Variants in SMOC2 observed in about 807,000 individuals in gnomAD.
The protein encoded by SMOC2 is SPARC related modular calcium binding 2, also known as SPARC-related modular calcium-binding protein 2.
Under a neutral mutation model 61.4 loss-of-function variants are expected in SMOC2, and 39 were observed. That is an observed-to-expected ratio of 0.64 (90% CI 0.49 to 0.83). SMOC2 has a LOEUF of 0.83. SMOC2 is among the 40% of genes least tolerant of loss of function. The pLI, the probability that SMOC2 is intolerant of heterozygous loss-of-function variation, is 0.00. For synonymous variants in SMOC2, 247 were observed against 239.9 expected (o/e 1.03, Z -0.27); for missense variants, 556 against 592.9 (o/e 0.94, Z 0.65).
chr6:168,624,032 G>A (rs1181375135), intron 9 of SMOC2, among the ~76,000 whole-genome samples: 1 of 152,228 alleles, frequency 6.6e-6, no homozygotes, highest in African/African-American at 2.4e-5. Flanking sequence ...GTGGCTGCAC[G>A]GATGCACAGA....
At chr6:168,629,261 A>T (rs1299944100) in intron 9 of SMOC2, among the ~76,000 whole-genome samples, 1 of 152,214 alleles carries the variant, frequency 6.6e-6, no homozygotes, top group Non-Finnish European at 1.5e-5. Flanking sequence ...AGGGTCTCCG[A>T]CAGGTCCTCA....
In SMOC2 at chr6:168,547,156, A is replaced by G. The variant is rs1175584487; in HGVS notation, c.549A>G (p.Gln183=). The change falls in exon 6 of 13, where the codon CAA becomes CAG. Residue 183 remains glutamine (Q), a synonymous_variant. Coordinates refer to ENST00000356284, the MANE Select transcript of SMOC2 (RefSeq NM_001166412.2). Reference sequence around the variant, plus strand: ...CTCCAGCGTTGGAGACTCAGCCTCAAGGAGATGAAGAAGGTGAGCCGGGGT... The same window carrying G: ...CTCCAGCGTTGGAGACTCAGCCTCAGGGAGATGAAGAAGGTGAGCCGGGGT... The part of the protein sequence containing the change: ...AAAPALETQP[Q]GDEEDIASRY... 2 of 1,613,946 alleles carry G rather than the reference A, an allele frequency of 1.2e-6. No individual in the cohort carries two copies. The highest frequency in any genetic ancestry group is 2.7e-5 in the African/African-American group (2 of 74,884).
intron 2 of SMOC2, among the ~76,000 whole-genome samples, chr6:168,515,984 T>C (rs1470897501): frequency 2.0e-5 from 3 of 152,116 alleles, no homozygotes; most frequent in African/African-American, 7.2e-5. Flanking sequence ...ATTCCTGGAG[T>C]GGGCGCTGGC....
intron 7 of SMOC2, among the ~76,000 whole-genome samples, chr6:168,576,525 T>G (rs1285266452): frequency 1.3e-5 from 2 of 152,092 alleles, no homozygotes; most frequent in Non-Finnish European, 2.9e-5. Flanking sequence ...TGTGAGGACC[T>G]TAGGGAGCCC....
rs374094452 is a variant in SMOC2, at chr6:168,584,494, G to A, written c.638-14324G>A. ...GTTTAAATCACATTAGTGGTAAGAG[G>A]TCTCTGTTTAATCGAGTGTACACTA... On this transcript the variant is annotated intron_variant, in intron 7 of 12. Coordinates refer to ENST00000356284, the MANE Select transcript of SMOC2 (RefSeq NM_001166412.2). Among the ~76,000 whole-genome samples the A allele has an allele frequency of 6.0e-4, 91 of 152,040 alleles. 1 individual carries two copies. In the Middle Eastern group the frequency reaches 0.01, roughly 17 times the overall value.
chr6:168,607,869 T>TCCAACCCTGCAACG (rs1440562829), intron 8 of SMOC2, among the ~76,000 whole-genome samples: 36 of 56,592 alleles, frequency 6.4e-4, no homozygotes, highest in Non-Finnish European at 8.6e-4. Context: ...TGTGGGTGCT[T>TCCAACCCTGCAACG]GGCAGCTGCT....
intron 1 of SMOC2, among the ~76,000 whole-genome samples, chr6:168,497,671 C>A (rs1782624781): frequency 6.6e-6 from 1 of 152,166 alleles, no homozygotes; most frequent in African/African-American, 2.4e-5. Flanking sequence ...AGCCCGTGGT[C>A]TTGTCAGGAA....
chr6:168,471,502 G>C (rs1781966873), intron 1 of SMOC2, among the ~76,000 whole-genome samples: 2 of 152,278 alleles, frequency 1.3e-5, no homozygotes, highest in South Asian at 4.1e-4. Context: ...GTGGATACTT[G>C]GGCTAATGCT....
At chr6:168,545,616 C>G (rs1783979060) in intron 5 of SMOC2, among the ~76,000 whole-genome samples, 1 of 152,132 alleles carries the variant, frequency 6.6e-6, no homozygotes, top group African/African-American at 2.4e-5. Flanking sequence ...CCTCTGGTGC[C>G]CAGAATCAGG....
intron 4 of SMOC2, among the ~76,000 whole-genome samples, chr6:168,530,246 G>A (rs529926993): frequency 5.6e-4 from 86 of 152,240 alleles, no homozygotes; most frequent in African/African-American, 1.9e-3. Flanking sequence ...CCACTGACTG[G>A]CATGATTCCT....
intron 11 of SMOC2, among the ~76,000 whole-genome samples, 173 bp downstream of exon 11, chr6:168,653,401 A>G (rs1787248967): frequency 6.6e-6 from 1 of 152,140 alleles, no homozygotes; most frequent in Non-Finnish European, 1.5e-5. Flanking sequence ...ATAATTGGCG[A>G]CTCATCACAT....
chr6:168,640,605 C>A (rs534571951), intron 9 of SMOC2, among the ~76,000 whole-genome samples: 1 of 152,056 alleles, frequency 6.6e-6, no homozygotes, highest in Non-Finnish European at 1.5e-5. Flanking sequence ...ATTGGAGCTA[C>A]GAAATATTTA....
At position 168,598,914 on chromosome 6, in the gene SMOC2, T is replaced by G; in HGVS notation, c.734T>G (p.Leu245Arg). 1 of 1,612,934 alleles carries G rather than the reference T, an allele frequency of 6.2e-7. No individual in the cohort carries two copies. Among genetic ancestry groups the G allele is most frequent in the East Asian group, 2.2e-5 (1 of 44,856 alleles). ...ATCCCTGAGTGTGCGCACGGCGGCC[T>G]CTACAAGCCAGTGCAGTGCCACCCC... Reference protein sequence around the residue: ...VVIPECAHGGLYKPVQCHPST... With the variant: ...VVIPECAHGGRYKPVQCHPST... Residue 245 changes from leucine to arginine, a missense_variant, in exon 8 of 13, where the codon CTC (leucine) becomes CGC (arginine). Physicochemically the swap from Leu to Arg is moderately radical, Grantham distance 102. Transcript: ENST00000356284.
At chr6:168,495,810 A>G (rs761510112) in intron 1 of SMOC2, among the ~76,000 whole-genome samples, 3 of 151,774 alleles carry the variant, frequency 2.0e-5, no homozygotes, top group Non-Finnish European at 4.4e-5. Context: ...GGCTCCACCC[A>G]CCTGTGCAGT....
At chr6:168,613,994 G>T (rs866120084) in intron 9 of SMOC2, among the ~76,000 whole-genome samples, 1 of 56,372 alleles carries the variant, frequency 1.8e-5, no homozygotes. Flanking sequence ...CCTACAGCCA[G>T]CACAGGGCCT....
intron 1 of SMOC2, among the ~76,000 whole-genome samples, chr6:168,492,339 T>C (rs1782488438): frequency 6.6e-6 from 1 of 152,248 alleles, no homozygotes; most frequent in South Asian, 2.1e-4. Flanking sequence ...TACCTTTCCA[T>C]AGTTTTCAGT....
intron 2 of SMOC2, among the ~76,000 whole-genome samples, chr6:168,518,665 GGA>G (rs569494036): frequency 7.9e-4 from 117 of 147,982 alleles, no homozygotes; most frequent in African/African-American, 2.0e-3. Context: ...GTGTATGTAT[GGA>G]GAGTGTGCTT....
chr6:168,484,369 T>C (rs181612863), intron 1 of SMOC2, among the ~76,000 whole-genome samples: 45 of 152,224 alleles, frequency 3.0e-4, no homozygotes, highest in African/African-American at 8.9e-4. Flanking sequence ...ATCATGGAAA[T>C]GCACAGAAAA....
At chr6:168,591,762 C>T (rs1043663439) in intron 7 of SMOC2, among the ~76,000 whole-genome samples, 36 of 151,648 alleles carry the variant, frequency 2.4e-4, no homozygotes, top group African/African-American at 8.5e-4. Context: ...TTTCTTTATA[C>T]ATTAACTCCT....
Sources: gnomAD v4.1 joint callset for allele counts (sites outside exome capture counted in the v4.1 genomes callset) on GRCh38, gnomAD v4.1.1 for gene constraint, MANE v1.5 for transcripts, NCBI Gene and HGNC (gene_info 2026-07-23, HGNC 2026-07-21) for gene names.